The following ZSWIM5 variants were observed in gnomAD, a reference collection of about 807,000 sequenced individuals.
ZSWIM5 encodes zinc finger SWIM-type containing 5, also known as zinc finger SWIM domain-containing protein 5.
In ZSWIM5, 55 loss-of-function variants were observed where a neutral mutation model predicts 119.6. The ratio of observed to expected loss-of-function variants is 0.46; its 90% CI spans 0.37 to 0.58. ZSWIM5 has a LOEUF of 0.58. Among genes scored for constraint, ZSWIM5 ranks in the 20% least tolerant of loss-of-function variants. The pLI is 0.00. For missense variants in ZSWIM5, 1,193 were observed against 1,512.8 expected (o/e 0.79, Z 3.51); for synonymous variants, 537 against 606.9 (o/e 0.88, Z 1.69).
intron 1 of ZSWIM5, among the ~76,000 whole-genome samples, chr1:45,097,736 C>G (rs558296288): frequency 6.6e-6 from 1 of 152,214 alleles, no homozygotes; most frequent in East Asian, 1.9e-4. Context: ...AGGTCTCACT[C>G]TGTCACCCAG....
At chr1:45,192,166 G>A (rs1296104860) in intron 1 of ZSWIM5, among the ~76,000 whole-genome samples, 2 of 151,974 alleles carry the variant, frequency 1.3e-5, no homozygotes, top group Non-Finnish European at 2.9e-5. Flanking sequence ...TTTTTAAGTG[G>A]ACAGTTCAGT....
chr1:45,137,987 A>G (rs563435892), intron 1 of ZSWIM5, among the ~76,000 whole-genome samples: 122 of 152,294 alleles, frequency 8.0e-4, no homozygotes, highest in African/African-American at 2.9e-3. Flanking sequence ...AATTAGGGTG[A>G]TAACGGTGGA....
chr1:45,174,362 A>C (rs1645963433), intron 1 of ZSWIM5, among the ~76,000 whole-genome samples: 1 of 152,132 alleles, frequency 6.6e-6, no homozygotes, highest in Admixed American at 6.6e-5. Context: ...ATGTAAGCTA[A>C]GAAAAACATA....
intron 1 of ZSWIM5, among the ~76,000 whole-genome samples, chr1:45,143,946 G>A (rs1645745578): frequency 6.6e-6 from 1 of 151,120 alleles, no homozygotes; most frequent in African/African-American, 2.4e-5. Context: ...AAAACATGTA[G>A]GCATCTATAG....
At chr1:45,155,125 C>T (rs138579607) in intron 1 of ZSWIM5, among the ~76,000 whole-genome samples, 7 of 152,142 alleles carry the variant, frequency 4.6e-5, no homozygotes, top group East Asian at 1.9e-4. Context: ...AAAATCTTCA[C>T]GATCTATACA....
intron 2 of ZSWIM5, among the ~76,000 whole-genome samples, chr1:45,083,148 T>C (rs1168542401): frequency 1.3e-5 from 2 of 152,158 alleles, no homozygotes; most frequent in Non-Finnish European, 2.9e-5. Context: ...ATCACTCAAA[T>C]AGAGAGAGCT....
At chr1:45,138,383 T>C (rs1645702378) in intron 1 of ZSWIM5, among the ~76,000 whole-genome samples, 1 of 150,788 alleles carries the variant, frequency 6.6e-6, no homozygotes. Flanking sequence ...TGTGTGCCTG[T>C]AGACCCAGCT....
At chr1:45,145,345 C>CAAAAAAAAAAAAAAAAAGAAAAA (rs75896780) in intron 1 of ZSWIM5, among the ~76,000 whole-genome samples, 1 of 95,116 alleles carries the variant, frequency 1.1e-5, no homozygotes, top group Non-Finnish European at 2.3e-5. Flanking sequence ...GTTACGTTAA[C>CAAAAAAAAAAAAAAAAAGAAAAA]AAAAAAAAAA....
At chr1:45,030,723 A>G (rs6678726) in intron 11 of ZSWIM5, among the ~76,000 whole-genome samples, 38,334 of 150,750 alleles carry the variant, frequency 0.25, 5,072 homozygotes, top group Admixed American at 0.34. Flanking sequence ...GATATTGGTC[A>G]TTTCTGCCTT....
chr1:45,021,333 C>T (rs1569980397), intron 11 of ZSWIM5, among the ~76,000 whole-genome samples: 2 of 152,268 alleles, frequency 1.3e-5, no homozygotes, highest in East Asian at 3.9e-4. Flanking sequence ...TCTTGAACAC[C>T]TTAATTTCCA....
At chr1:45,195,443 G>A (rs1228133328) in intron 1 of ZSWIM5, among the ~76,000 whole-genome samples, 1 of 151,844 alleles carries the variant, frequency 6.6e-6, no homozygotes, top group Non-Finnish European at 1.5e-5. Context: ...ATGTTGCCCA[G>A]GCTGTTCTTG....
chr1:45,061,152 A>T (rs550076190), intron 2 of ZSWIM5, among the ~76,000 whole-genome samples: 2 of 152,238 alleles, frequency 1.3e-5, no homozygotes, highest in African/African-American at 4.8e-5. Context: ...TTAACTCCTT[A>T]CTCACAGTTG....
chr1:45,168,172 T>C (rs957480512), intron 1 of ZSWIM5, among the ~76,000 whole-genome samples: 27 of 152,008 alleles, frequency 1.8e-4, no homozygotes, highest in Non-Finnish European at 3.4e-4. Flanking sequence ...ATGTCCTTTG[T>C]AGGGACATGG....
intron 1 of ZSWIM5, among the ~76,000 whole-genome samples, chr1:45,106,015 G>A (rs371318855): frequency 9.2e-5 from 13 of 140,660 alleles, no homozygotes; most frequent in South Asian, 4.7e-4. Flanking sequence ...CTGCCCGGCC[G>A]CCCCGTCTGG....
intron 1 of ZSWIM5, among the ~76,000 whole-genome samples, chr1:45,121,251 C>A (rs112187139): frequency 3.7e-4 from 56 of 152,286 alleles, no homozygotes; most frequent in Admixed American, 5.9e-4. Flanking sequence ...GCACCCGGCC[C>A]ACCTTTCGTC....
chr1:45,047,902 G>C (rs1324396261), intron 5 of ZSWIM5, among the ~76,000 whole-genome samples: 1 of 151,970 alleles, frequency 6.6e-6, no homozygotes, highest in Non-Finnish European at 1.5e-5. Flanking sequence ...GGAAAAAGAT[G>C]GTGTGAAATA....
intron 11 of ZSWIM5, among the ~76,000 whole-genome samples, chr1:45,024,665 T>C (rs1335612426): frequency 1.3e-5 from 2 of 151,926 alleles, no homozygotes; most frequent in African/African-American, 4.8e-5. Context: ...TTTATTTATT[T>C]ATTTTTTGAG....
chr1:45,144,116 T>C (rs1645746820), intron 1 of ZSWIM5, among the ~76,000 whole-genome samples: 1 of 152,138 alleles, frequency 6.6e-6, no homozygotes, highest in African/African-American at 2.4e-5. Context: ...ATCTCAGATA[T>C]TTTAAAATAT....
intron 2 of ZSWIM5, among the ~76,000 whole-genome samples, chr1:45,068,368 A>T (rs537284927): frequency 3.3e-5 from 5 of 151,824 alleles, no homozygotes; most frequent in African/African-American, 1.2e-4. Context: ...AGCCTCCCAA[A>T]GTGCTGGGAT....
Sources: allele counts gnomAD v4.1 joint callset (sites outside exome capture counted in the v4.1 genomes callset), GRCh38; gene constraint gnomAD v4.1.1; transcripts MANE v1.5; gene names NCBI Gene and HGNC (gene_info 2026-07-23, HGNC 2026-07-21).